The following RHBDL2 variants were observed in gnomAD, a reference collection of about 807,000 sequenced individuals.
The protein encoded by RHBDL2 is rhomboid like 2, also known as rhomboid-related protein 2.
Under a neutral mutation model 31.7 loss-of-function variants are expected in RHBDL2, and 26 were observed. The observed-to-expected ratio is 0.82, with a 90% CI of 0.60 to 1.14. The LOEUF is 1.14. Among genes scored for constraint, RHBDL2 ranks in the 50% most tolerant of loss-of-function variants. The pLI is 0.00. For synonymous variants in RHBDL2, 123 were observed against 127.2 expected, an observed-to-expected ratio of 0.97 and a Z score of 0.22; for missense variants, 336 against 364.4, an observed-to-expected ratio of 0.92 and a Z score of 0.63.
At chr1:38,911,627 T>C (rs1043615320) in intron 3 of RHBDL2, among the ~76,000 whole-genome samples, 193 bp from the exon 4 acceptor site, 2 of 127,478 alleles carry the variant, frequency 1.6e-5, no homozygotes, top group Admixed American at 8.3e-5. Flanking sequence ...TGTGTGTGTG[T>C]GTGTGTGTGT....
intron 2 of RHBDL2, among the ~76,000 whole-genome samples, chr1:38,917,754 C>A (rs1350129065): frequency 6.6e-6 from 1 of 152,230 alleles, no homozygotes; most frequent in Non-Finnish European, 1.5e-5. Flanking sequence ...ATGCTTACAC[C>A]TTAGCCTTAC....
intron 1 of RHBDL2, among the ~76,000 whole-genome samples, chr1:38,940,365 TC>T (rs1264314128): frequency 6.6e-6 from 1 of 152,026 alleles, no homozygotes. Context: ...TATGTGGCTC[TC>T]CCTTCTTTTT....
chr1:38,919,755 G>A (rs901844547), intron 1 of RHBDL2, among the ~76,000 whole-genome samples: 1 of 151,934 alleles, frequency 6.6e-6, no homozygotes, highest in African/African-American at 2.4e-5. Flanking sequence ...TGTATTTTTA[G>A]TAGAGACAGG....
intron 1 of RHBDL2, among the ~76,000 whole-genome samples, chr1:38,935,047 C>T (rs1570944585): frequency 6.6e-6 from 1 of 151,926 alleles, no homozygotes. Context: ...AAGTTAAAAT[C>T]GGCTCCAAGA....
At chr1:38,928,061 C>A (rs1643397012) in intron 1 of RHBDL2, among the ~76,000 whole-genome samples, 1 of 151,848 alleles carries the variant, frequency 6.6e-6, no homozygotes, top group South Asian at 2.1e-4. Context: ...AAATTTACTC[C>A]AGCCTTGGCA....
At chr1:38,917,306 T>C (rs1315006318) in intron 2 of RHBDL2, among the ~76,000 whole-genome samples, 1 of 152,108 alleles carries the variant, frequency 6.6e-6, no homozygotes, top group African/African-American at 2.4e-5. Flanking sequence ...CGTGCACCAC[T>C]GCGCCCGGCC....
chr1:38,935,892 G>GT (rs1305142148), intron 1 of RHBDL2, among the ~76,000 whole-genome samples: 4 of 151,894 alleles, frequency 2.6e-5, no homozygotes, highest in Admixed American at 2.6e-4. Flanking sequence ...GAGATGACAG[G>GT]TATGAGCCAC....
intron 4 of RHBDL2, among the ~76,000 whole-genome samples, chr1:38,903,419 CA>C (rs1643020653): frequency 6.6e-6 from 1 of 152,184 alleles, no homozygotes; most frequent in South Asian, 2.1e-4. Flanking sequence ...GGATTACAGG[CA>C]TGAGCTACCA....
At position 38,887,953 on chromosome 1, in the gene RHBDL2, C is replaced by T; in HGVS notation, c.732+10G>A. The T allele has an allele frequency of 6.3e-7, 1 of 1,582,538 alleles. No individual in the cohort carries two copies. On this transcript the variant is annotated intron_variant, in intron 7 of 7. Coordinates refer to ENST00000372990, the MANE Select transcript of RHBDL2 (RefSeq NM_017821.5). ...ATTTCTATTTTATAAAAGAAAGAAA[C>T]TGAACTCACCGGAGACCCATCTTCA...
intron 1 of RHBDL2, chr1:38,929,603 G>C (rs960986676): frequency 1.1e-5 from 14 of 1,271,438 alleles, no homozygotes; most frequent in Middle Eastern, 2.2e-4. Context: ...CCGGGGCTGA[G>C]ACCCGCCTTG....
At chr1:38,887,080 A>G (rs1642793141) in intron 7 of RHBDL2, among the ~76,000 whole-genome samples, 1 of 148,492 alleles carries the variant, frequency 6.7e-6, no homozygotes, top group South Asian at 2.1e-4. Context: ...AAGTAATAAC[A>G]TACACAAGAA....
chr1:38,890,688 A>G (rs1266525649), intron 6 of RHBDL2, among the ~76,000 whole-genome samples: 1 of 151,964 alleles, frequency 6.6e-6, no homozygotes, highest in African/African-American at 2.4e-5. Context: ...TTACTTTAAA[A>G]GAGTTGCCTT....
chr1:38,931,960 G>A lies in RHBDL2; in HGVS notation c.-126+9722C>T, dbSNP rs548015175. Among the ~76,000 whole-genome samples the A allele has an allele frequency of 5.3e-5, 8 of 152,264 alleles. No individual in the cohort carries two copies. The South Asian group carries it at 1.2e-3, about 24-fold the overall frequency. ...TTGTTTCTCCTCTCCTTAAGTCTGG[G>A]CCAGCCCTGTGACTGGTTTTGACCA... On this transcript the variant is annotated intron_variant, in intron 1 of 7. Coordinates refer to ENST00000372990, the MANE Select transcript of RHBDL2 (RefSeq NM_017821.5).
At chr1:38,901,888 A>C (rs1454620813) in intron 4 of RHBDL2, among the ~76,000 whole-genome samples, 1 of 151,356 alleles carries the variant, frequency 6.6e-6, no homozygotes, top group Non-Finnish European at 1.5e-5. Flanking sequence ...AACTGATAGA[A>C]CCACAGGAGA....
chr1:38,890,021 G>A (rs1642834428), intron 6 of RHBDL2, among the ~76,000 whole-genome samples: 1 of 151,806 alleles, frequency 6.6e-6, no homozygotes. Context: ...CTAGATTCAT[G>A]AGGCTATATA....
At chr1:38,932,767 G>A (rs1453952910) in intron 1 of RHBDL2, among the ~76,000 whole-genome samples, 1 of 152,122 alleles carries the variant, frequency 6.6e-6, no homozygotes, top group Non-Finnish European at 1.5e-5. Context: ...TTCTTGTTTT[G>A]AGTCACTAAA....
chr1:38,934,479 AC>A (rs1272128276), intron 1 of RHBDL2, among the ~76,000 whole-genome samples: 2 of 151,372 alleles, frequency 1.3e-5, no homozygotes, highest in Non-Finnish European at 2.9e-5. Context: ...ACATAGTGAA[AC>A]CCCGTCTCTA....
At chr1:38,918,917 C>G (rs2124337700) in intron 2 of RHBDL2, 50 bp downstream of exon 2, 1 of 1,580,620 alleles carries the variant, frequency 6.3e-7, no homozygotes, top group East Asian at 2.2e-5. Context: ...TAGTTTGTTC[C>G]CAGCTTCCCC....
Position 38,918,953 on chromosome 1 carries a change from C to G in RHBDL2, c.246+14G>C. ...ATGCCACTTACCCCGGTGCCCACCC[C>G]GCTCCCCATTCACCTCGGCCAGGCT... On this transcript the variant is annotated intron_variant, in intron 2 of 7. Coordinates refer to ENST00000372990, the MANE Select transcript of RHBDL2 (RefSeq NM_017821.5). 2 of 1,606,670 alleles carry G rather than the reference C, an allele frequency of 1.2e-6. No individual in the cohort carries two copies. Among genetic ancestry groups the G allele is most frequent in the Non-Finnish European group, 1.7e-6 (2 of 1,174,702 alleles).
Sources: allele counts gnomAD v4.1 joint callset (sites outside exome capture counted in the v4.1 genomes callset), GRCh38; gene constraint gnomAD v4.1.1; transcripts MANE v1.5; gene names NCBI Gene and HGNC (gene_info 2026-07-23, HGNC 2026-07-21).